PDE3A: variants seen among roughly 807,000 people sequenced by gnomAD.
PDE3A encodes phosphodiesterase 3A.
A neutral mutation model predicts 98.3 loss-of-function variants in PDE3A; 43 were observed. The observed-to-expected ratio is 0.44, with a 90% CI of 0.34 to 0.56. The LOEUF is 0.56. Among genes scored for constraint, PDE3A ranks in the 20% least tolerant of loss-of-function variants. The pLI is 0.01. For missense variants in PDE3A, 1,427 were observed against 1,440.7 expected (o/e 0.99, Z 0.15); for synonymous variants, 663 against 567.9 (o/e 1.17, Z -2.38).
At chr12:20,508,318 A>G (rs147323816) in intron 1 of PDE3A, among the ~76,000 whole-genome samples, 5 of 151,876 alleles carry the variant, frequency 3.3e-5, no homozygotes, top group African/African-American at 1.2e-4. Flanking sequence ...AGCCCTCTTT[A>G]TGATACTCTA....
intron 1 of PDE3A, among the ~76,000 whole-genome samples, chr12:20,374,957 T>A (rs566941078): frequency 6.6e-6 from 1 of 152,110 alleles, no homozygotes; most frequent in East Asian, 1.9e-4. Flanking sequence ...TGCCTTTGCA[T>A]TGGGCGATGG....
intron 1 of PDE3A, among the ~76,000 whole-genome samples, chr12:20,470,488 A>C (rs968181215): frequency 6.6e-6 from 1 of 152,230 alleles, no homozygotes; most frequent in African/African-American, 2.4e-5. Context: ...CTGATTACAA[A>C]GCTTACATCC....
At chr12:20,668,480 C>A (rs1169609737) in intron 15 of PDE3A, among the ~76,000 whole-genome samples, 2 of 152,256 alleles carry the variant, frequency 1.3e-5, no homozygotes, top group South Asian at 4.1e-4. Context: ...CAGTGGTTCT[C>A]CCAGCATGCA....
rs1943510825 is a variant in PDE3A, at chr12:20,373,240, A to G, written c.960+2996A>G. 2.6e-5 allele frequency among the ~76,000 whole-genome samples: 4 copies of G among 152,038 alleles called. No individual in the cohort carries two copies. In the South Asian group the frequency reaches 8.3e-4, roughly 32 times the overall value. On this transcript the variant is annotated intron_variant, in intron 1 of 15. Transcript: ENST00000359062. Reference sequence around the variant, plus strand: ...GCTGATTTTGTAGATGAGTGTGTCAAACTACTTTTTTGGCTGCCAGTGTTA... The same window carrying G: ...GCTGATTTTGTAGATGAGTGTGTCAGACTACTTTTTTGGCTGCCAGTGTTA...
At chr12:20,544,859 T>C (rs1018190467) in intron 1 of PDE3A, among the ~76,000 whole-genome samples, 1 of 151,944 alleles carries the variant, frequency 6.6e-6, no homozygotes, top group Non-Finnish European at 1.5e-5. Flanking sequence ...CATGGAAAAC[T>C]GTAAATCTCT....
chr12:20,582,288 G>T (rs1478907425), intron 2 of PDE3A, among the ~76,000 whole-genome samples: 1 of 152,000 alleles, frequency 6.6e-6, no homozygotes, highest in Non-Finnish European at 1.5e-5. Context: ...CTGCCTCCAG[G>T]GTTCAAGTAT....
chr12:20,420,193 G>A (rs911945483), intron 1 of PDE3A, among the ~76,000 whole-genome samples: 1 of 152,132 alleles, frequency 6.6e-6, no homozygotes, highest in Non-Finnish European at 1.5e-5. Flanking sequence ...CAAAGGGCTT[G>A]GGTATCACAT....
intron 1 of PDE3A, among the ~76,000 whole-genome samples, chr12:20,466,293 T>G (rs1323216035): frequency 6.6e-6 from 1 of 152,256 alleles, no homozygotes; most frequent in Non-Finnish European, 1.5e-5. Context: ...TGAAACTATT[T>G]TTTATATGAG....
chr12:20,674,583 C>T (rs1945583758), intron 15 of PDE3A, among the ~76,000 whole-genome samples: 1 of 152,132 alleles, frequency 6.6e-6, no homozygotes, highest in South Asian at 2.1e-4. Flanking sequence ...TCACCCAGTA[C>T]TGAACTTTTT....
intron 15 of PDE3A, among the ~76,000 whole-genome samples, chr12:20,669,412 T>G (rs561724340): frequency 0.017 from 2,597 of 150,712 alleles, 30 homozygotes; most frequent in Non-Finnish European, 0.03. Context: ...TTCACCAAAG[T>G]TGAAATGAAG....
intron 2 of PDE3A, among the ~76,000 whole-genome samples, chr12:20,575,487 T>G (rs2121324035): frequency 6.6e-6 from 1 of 152,134 alleles, no homozygotes; most frequent in South Asian, 2.1e-4. Context: ...GCCTTGCAAC[T>G]TGGTTTTGAT....
chr12:20,393,400 C>G (rs1007533517), intron 1 of PDE3A, among the ~76,000 whole-genome samples: 1 of 151,968 alleles, frequency 6.6e-6, no homozygotes, highest in Non-Finnish European at 1.5e-5. Flanking sequence ...GGGGAAACTG[C>G]TGCCATCATT....
At chr12:20,677,596 A>G (rs1256215629) in intron 15 of PDE3A, among the ~76,000 whole-genome samples, 1 of 152,062 alleles carries the variant, frequency 6.6e-6, no homozygotes. Context: ...AGTAGCTGGG[A>G]TTACAGGTGC....
chr12:20,564,331 A>G (rs1205484170), intron 2 of PDE3A, among the ~76,000 whole-genome samples: 7 of 152,168 alleles, frequency 4.6e-5, no homozygotes, highest in Admixed American at 4.6e-4. Context: ...TGTATGGAAG[A>G]TAGTAAATAA....
chr12:20,685,976 A>G lies in PDE3A; in HGVS notation c.*5705A>G, dbSNP rs1397679974. ...TTGAAGCAAAGTTATTTAATTTTTT[A>G]ATTTTTAACTTAAAATGAAACCCAC... On this transcript the variant is annotated 3_prime_UTR_variant, in exon 16 of 16. Transcript: ENST00000359062. 6.6e-6 allele frequency among the ~76,000 whole-genome samples: 1 copy of G among 152,174 alleles called. No homozygotes were observed. Among genetic ancestry groups the G allele is most frequent in the Non-Finnish European group, 1.5e-5 (1 of 68,006 alleles).
intron 15 of PDE3A, among the ~76,000 whole-genome samples, chr12:20,678,767 CT>C (rs1187517996): frequency 6.6e-6 from 1 of 152,186 alleles, no homozygotes; most frequent in Admixed American, 6.5e-5. Flanking sequence ...TGAGAAATAT[CT>C]CAGGGGAGGA....
chr12:20,573,945 A>C (rs902797866), intron 2 of PDE3A, among the ~76,000 whole-genome samples: 1 of 152,078 alleles, frequency 6.6e-6, no homozygotes, highest in Non-Finnish European at 1.5e-5. Context: ...GAAAAAATGG[A>C]GATTTCAGCC....
rs1565526997 is a variant in PDE3A at position 20,369,836 on chromosome 12, C to T, written c.552C>T (p.His184=). 9 of 1,611,928 alleles carry T rather than the reference C, an allele frequency of 5.6e-6. No individual in the cohort carries two copies. The highest frequency in any genetic ancestry group is 1.7e-4 in the Middle Eastern group (1 of 6,042). Residue 184 remains histidine, a synonymous_variant, in exon 1 of 16, where the codon CAC becomes CAT. Coordinates refer to ENST00000359062, the MANE Select transcript of PDE3A (RefSeq NM_000921.5). ...VQIGLGVGED[H]LLSLPAAGVV... is the part of the protein sequence containing the mutation. ...TTGGGCTGGGCGTCGGGGAGGATCA[C>T]TTACTCTCACTCCCCGCCGCGGGGG...
intron 1 of PDE3A, among the ~76,000 whole-genome samples, chr12:20,395,645 A>G (rs911460329): frequency 1.4e-5 from 2 of 147,290 alleles, no homozygotes; most frequent in African/African-American, 4.9e-5. Flanking sequence ...ATATATACAC[A>G]TAGTATTATA....
Sources: gnomAD v4.1 joint callset for allele counts (sites outside exome capture counted in the v4.1 genomes callset) on GRCh38, gnomAD v4.1.1 for gene constraint, MANE v1.5 for transcripts, NCBI Gene and HGNC (gene_info 2026-07-23, HGNC 2026-07-21) for gene names.